MBOAT2: variants seen among roughly 807,000 people sequenced by gnomAD.
The protein encoded by MBOAT2 is membrane-bound glycerophospholipid O-acyltransferase 2.
MBOAT2 carries 28 observed loss-of-function variants against 63.4 expected under a neutral mutation model. The observed-to-expected ratio is 0.44, with a 90% CI of 0.33 to 0.61. The LOEUF (loss-of-function observed/expected upper bound fraction) is 0.61, where lower values mean the gene tolerates loss of function less well. Ranked by LOEUF, MBOAT2 falls within the 20% of genes least tolerant of loss-of-function variation. The pLI is 0.03. For synonymous variants in MBOAT2, 211 were observed against 215.6 expected (o/e 0.98, Z 0.19); for missense variants, 470 against 605.8 (o/e 0.78, Z 2.35).
intron 1 of MBOAT2, among the ~76,000 whole-genome samples, chr2:8,977,348 G>A (rs946546084): frequency 9.2e-5 from 14 of 152,042 alleles, no homozygotes; most frequent in African/African-American, 3.4e-4. Context: ...ACACTTTGTG[G>A]ACAAGCAATT....
At chr2:8,865,626 C>T (rs1558549632) in intron 9 of MBOAT2, among the ~76,000 whole-genome samples, 1 of 152,368 alleles carries the variant, frequency 6.6e-6, no homozygotes, top group East Asian at 1.9e-4. Flanking sequence ...CCTCAATTCC[C>T]TGTTCCCCTC....
At chr2:8,932,215 T>TA (rs1280415582) in intron 3 of MBOAT2, among the ~76,000 whole-genome samples, 2 of 152,182 alleles carry the variant, frequency 1.3e-5, no homozygotes, top group African/African-American at 4.8e-5. Context: ...CAGTTGATAT[T>TA]AAAATACTAT....
At chr2:8,865,692 T>C (rs967861775) in intron 9 of MBOAT2, among the ~76,000 whole-genome samples, 7 of 152,250 alleles carry the variant, frequency 4.6e-5, no homozygotes, top group Non-Finnish European at 1.0e-4. Context: ...TCCTAGGAGT[T>C]GTGTAATCTG....
intron 4 of MBOAT2, among the ~76,000 whole-genome samples, chr2:8,895,065 G>A (rs774554434): frequency 5.9e-5 from 9 of 152,248 alleles, no homozygotes; most frequent in Admixed American, 1.3e-4. Context: ...TCATAAAGGC[G>A]GTGGGGACCC....
intron 3 of MBOAT2, among the ~76,000 whole-genome samples, chr2:8,928,524 T>C (rs924009792): frequency 6.6e-5 from 10 of 152,140 alleles, no homozygotes; most frequent in Non-Finnish European, 1.5e-5. Context: ...CCCTTAAAAA[T>C]TATTGAGGAA....
chr2:8,860,534 C>A (rs1572902731), intron 12 of MBOAT2, 79 bp downstream of exon 12: 1 of 1,412,916 alleles, frequency 7.1e-7, no homozygotes. Flanking sequence ...TACTGTTTTT[C>A]TATTCTATCC....
At chr2:8,882,281 T>C (rs539190667) in intron 6 of MBOAT2, among the ~76,000 whole-genome samples, 8 of 152,246 alleles carry the variant, frequency 5.3e-5, no homozygotes, top group Non-Finnish European at 8.8e-5. Context: ...TCGTGGCCCA[T>C]AGGAGGCGCA....
At chr2:8,873,361 G>A (rs1662476900) in intron 7 of MBOAT2, 61 bp from the exon 8 acceptor site, 1 of 1,510,330 alleles carries the variant, frequency 6.6e-7, no homozygotes, top group African/African-American at 1.4e-5. Context: ...TTCATTCTAT[G>A]TATTATCGAC....
At chr2:8,953,119 CTG>C (rs1668960980) in intron 2 of MBOAT2, among the ~76,000 whole-genome samples, 1 of 152,212 alleles carries the variant, frequency 6.6e-6, no homozygotes, top group South Asian at 2.1e-4. Context: ...TTCTTTGTTT[CTG>C]TGTTAGAACT....
chr2:8,890,321 CTCT>C (rs1343314052), intron 4 of MBOAT2, among the ~76,000 whole-genome samples: 3 of 152,166 alleles, frequency 2.0e-5, no homozygotes, highest in Non-Finnish European at 4.4e-5. Context: ...CACGCAAATA[CTCT>C]TCATTTCATC....
chr2:8,955,776 T>C (rs1367325242), intron 2 of MBOAT2, among the ~76,000 whole-genome samples: 2 of 152,170 alleles, frequency 1.3e-5, no homozygotes, highest in Non-Finnish European at 1.5e-5. Flanking sequence ...GAAGAGTCAA[T>C]CACTATGGTA....
chr2:8,895,355 A>G (rs545761350), intron 4 of MBOAT2, among the ~76,000 whole-genome samples: 2 of 152,198 alleles, frequency 1.3e-5, no homozygotes, highest in Admixed American at 1.3e-4. Context: ...CGTTTTACAG[A>G]GTGCTGATTG....
At chr2:8,870,819 T>C (rs542606354) in intron 8 of MBOAT2, among the ~76,000 whole-genome samples, 2 of 152,344 alleles carry the variant, frequency 1.3e-5, no homozygotes, top group South Asian at 4.1e-4. Context: ...TATATTCTAA[T>C]ATGATTATTT....
At chr2:8,895,895 C>G (rs900012106) in intron 4 of MBOAT2, among the ~76,000 whole-genome samples, 1 of 152,024 alleles carries the variant, frequency 6.6e-6, no homozygotes, top group East Asian at 1.9e-4. Context: ...GTCACAGGAC[C>G]TAGAAAGGGG....
At chr2:8,917,877 TA>T (rs759734447) in intron 3 of MBOAT2, among the ~76,000 whole-genome samples, 2 of 152,196 alleles carry the variant, frequency 1.3e-5, no homozygotes, top group Non-Finnish European at 2.9e-5. Context: ...TGAGATATAT[TA>T]ATACAATGGA....
intron 1 of MBOAT2, among the ~76,000 whole-genome samples, chr2:8,998,547 A>G (rs1183192025): frequency 2.6e-5 from 4 of 151,806 alleles, no homozygotes; most frequent in Non-Finnish European, 5.9e-5. Context: ...AATGTTTTCA[A>G]CTACCCTTTT....
intron 7 of MBOAT2, 131 bp downstream of exon 7, chr2:8,876,899 G>T: frequency 1.2e-6 from 1 of 851,480 alleles, no homozygotes; most frequent in Non-Finnish European, 1.8e-6. Context: ...GGTGCAGTGT[G>T]AAGTTATTTA....
At chr2:8,981,966 G>T (rs1413616953) in intron 1 of MBOAT2, among the ~76,000 whole-genome samples, 1 of 152,116 alleles carries the variant, frequency 6.6e-6, no homozygotes, top group African/African-American at 2.4e-5. Context: ...AAGACAGACA[G>T]ACTTAGATCC....
At chr2:8,923,584 C>T (rs1205720222) in intron 3 of MBOAT2, among the ~76,000 whole-genome samples, 1 of 152,090 alleles carries the variant, frequency 6.6e-6, no homozygotes, top group Admixed American at 6.6e-5. Flanking sequence ...AATTATTAAA[C>T]TCTTTCTTTG....
Sources: allele counts gnomAD v4.1 joint callset (sites outside exome capture counted in the v4.1 genomes callset), GRCh38; gene constraint gnomAD v4.1.1; transcripts MANE v1.5; gene names NCBI Gene and HGNC (gene_info 2026-07-23, HGNC 2026-07-21).